SPATS2L: variants seen among roughly 807,000 people sequenced by gnomAD.
SPATS2L encodes the protein spermatogenesis associated serine rich 2 like.
Under a neutral mutation model 59.6 loss-of-function variants are expected in SPATS2L, and 30 were observed. That is an observed-to-expected ratio of 0.50 (90% confidence interval 0.38 to 0.68). The LOEUF (loss-of-function observed/expected upper bound fraction) is 0.68. SPATS2L is among the 30% of genes least tolerant of loss of function. The pLI is 0.00. For missense variants in SPATS2L, 615 were observed against 700.0 expected (o/e 0.88, Z 1.37); for synonymous variants, 252 against 263.5 (o/e 0.96, Z 0.42).
chr2:200,417,461 G>A (rs2083112642), intron 5 of SPATS2L, among the ~76,000 whole-genome samples: 1 of 152,108 alleles, frequency 6.6e-6, no homozygotes, highest in South Asian at 2.1e-4. Flanking sequence ...TGATTGAAAG[G>A]CAGTATTTAG....
rs150464039 is a variant in SPATS2L, at chr2:200,406,183, A to G, written c.40-6128A>G. Among the ~76,000 whole-genome samples the G allele has an allele frequency of 5.9e-5, 9 of 152,302 alleles. 1 individual carries two copies. Among genetic ancestry groups the G allele is most frequent in the Non-Finnish European group, 1.2e-4 (8 of 68,022 alleles). ...GTCACATAAGTAAATAATGGTGGCA[A>G]TGTCAATGCTGGAAGAAGTGTGTGA... On this transcript the variant is annotated intron_variant, in intron 3 of 12. Transcript: ENST00000409140.
At position 200,482,054 on chromosome 2, in the gene SPATS2L, T is replaced by A. The variant is rs2087791271; in HGVS notation, c.*4023T>A. The A allele has an allele frequency of 6.6e-6, 1 of 152,190 alleles. No individual in the cohort carries two copies. Among genetic ancestry groups the A allele is most frequent in the African/African-American group, 2.4e-5 (1 of 41,448 alleles). The allele number at this position is 152,190 out of a possible 1,614,324, so 9.4% of individuals were successfully genotyped here. ...ACCAAAAAAAAAGGAAAAAAAGCAG[T>A]TCGCCTAATACATTGTTCCAGCATT... On this transcript the variant is annotated 3_prime_UTR_variant, in exon 13 of 13. Transcript: ENST00000409140.
chr2:200,353,535 C>G (rs1377235538), intron 2 of SPATS2L, among the ~76,000 whole-genome samples: 1 of 152,148 alleles, frequency 6.6e-6, no homozygotes, highest in Non-Finnish European at 1.5e-5. Context: ...CTGGATATTT[C>G]CACCCTCTTC....
intron 3 of SPATS2L, among the ~76,000 whole-genome samples, chr2:200,396,891 T>G (rs1277436873): frequency 6.6e-6 from 1 of 152,204 alleles, no homozygotes; most frequent in African/African-American, 2.4e-5. Flanking sequence ...AAAGGGTCAT[T>G]AAATTTCCCA....
At chr2:200,317,477 A>T (rs963745171) in intron 1 of SPATS2L, among the ~76,000 whole-genome samples, 4 of 152,054 alleles carry the variant, frequency 2.6e-5, no homozygotes, top group Non-Finnish European at 5.9e-5. Context: ...ATCTCAATTC[A>T]CCCTCCTTAT....
intron 2 of SPATS2L, among the ~76,000 whole-genome samples, chr2:200,378,554 G>T (rs567508235): frequency 6.6e-6 from 1 of 152,050 alleles, no homozygotes; most frequent in Non-Finnish European, 1.5e-5. Context: ...TTTTTGTTCC[G>T]CCAGTGCCAG....
chr2:200,386,327 C>T (rs573491356), intron 2 of SPATS2L, among the ~76,000 whole-genome samples: 1 of 152,092 alleles, frequency 6.6e-6, no homozygotes, highest in Admixed American at 6.5e-5. Flanking sequence ...CAGCATTTTT[C>T]TTCCACAAAA....
At chr2:200,391,058 G>A (rs1465814535) in intron 3 of SPATS2L, among the ~76,000 whole-genome samples, 2 of 152,156 alleles carry the variant, frequency 1.3e-5, no homozygotes, top group East Asian at 3.9e-4. Context: ...TACTCAGGAG[G>A]CTGAGGCAGG....
chr2:200,352,536 C>T (rs1331769529), intron 2 of SPATS2L, among the ~76,000 whole-genome samples: 1 of 151,406 alleles, frequency 6.6e-6, no homozygotes, highest in Non-Finnish European at 1.5e-5. Flanking sequence ...CCTTTTTTAA[C>T]CCTTAGCTCT....
At chr2:200,344,066 A>C (rs1443477983) in intron 2 of SPATS2L, among the ~76,000 whole-genome samples, 1 of 151,854 alleles carries the variant, frequency 6.6e-6, no homozygotes. Flanking sequence ...TTTATTTTTA[A>C]ATAAAATTTA....
intron 6 of SPATS2L, among the ~76,000 whole-genome samples, chr2:200,435,750 CAA>C (rs1344174152): frequency 2.0e-5 from 3 of 152,078 alleles, no homozygotes; most frequent in Non-Finnish European, 2.9e-5. Flanking sequence ...CACTGAAGAT[CAA>C]AACTCTCACA....
chr2:200,373,869 G>A (rs1049221139), intron 2 of SPATS2L, among the ~76,000 whole-genome samples: 3 of 152,134 alleles, frequency 2.0e-5, no homozygotes, highest in Non-Finnish European at 4.4e-5. Context: ...AAGAATAATA[G>A]AGAAAATGCA....
At chr2:200,337,426 G>T (rs2080177972) in intron 2 of SPATS2L, among the ~76,000 whole-genome samples, 1 of 152,132 alleles carries the variant, frequency 6.6e-6, no homozygotes, top group Non-Finnish European at 1.5e-5. Context: ...TGGTAGCTTT[G>T]TTCTCCTAAC....
In SPATS2L at chr2:200,337,439, C is replaced by T. The variant is rs117539391; in HGVS notation, c.-23+7959C>T. Among the ~76,000 whole-genome samples, 8 of 152,246 alleles carry T rather than the reference C, an allele frequency of 5.3e-5. No individual in the cohort carries two copies. The East Asian group carries it at 1.2e-3, about 22-fold the overall frequency. On this transcript the variant is annotated intron_variant, in intron 2 of 12. Coordinates refer to ENST00000409140, the MANE Select transcript of SPATS2L (RefSeq NM_001100423.2). The stretch of plus-strand genomic sequence containing the variant: ...CTTGGTAGCTTTGTTCTCCTAACCC[C>T]GAGATTTCTTGGCTATGAGAACTGA...
chr2:200,412,204 T>C (rs750004248), intron 3 of SPATS2L, 107 bp from the exon 4 acceptor site: 12 of 649,734 alleles, frequency 1.8e-5, no homozygotes, highest in Non-Finnish European at 2.7e-5. Flanking sequence ...TTAGTTGGCT[T>C]TTCAAGGCCT....
intron 11 of SPATS2L, among the ~76,000 whole-genome samples, chr2:200,472,156 G>T (rs2087096435): frequency 6.6e-6 from 1 of 152,228 alleles, no homozygotes; most frequent in South Asian, 2.1e-4. Flanking sequence ...TGTAACCTTG[G>T]AAGTGGTGCA....
At position 200,480,039 on chromosome 2, in the gene SPATS2L, AGTTTTT is replaced by A. The variant is rs2087740957; in HGVS notation, c.*2009_*2014del. On this transcript the variant is annotated 3_prime_UTR_variant, in exon 13 of 13. Transcript: ENST00000409140. ...ATTACAAGACGGAAGGATTTTGCAC[AGTTTTT>A]TATGTAGCAAGATTTTGCTCACCAC... The A allele has an allele frequency of 3.5e-6, 1 of 289,518 alleles. No individual in the cohort carries two copies. The highest frequency in any genetic ancestry group is 6.3e-6 in the Non-Finnish European group (1 of 157,586). 17.9% of individuals were successfully genotyped at this position (289,518 alleles called of 1,614,324 possible).
intron 1 of SPATS2L, among the ~76,000 whole-genome samples, chr2:200,318,788 A>G (rs568155965): frequency 1.3e-5 from 2 of 152,370 alleles, no homozygotes; most frequent in South Asian, 4.1e-4. Flanking sequence ...GAAAATGGAT[A>G]CTGTGGTCTA....
chr2:200,467,095 T>C (rs1042097043), intron 9 of SPATS2L, among the ~76,000 whole-genome samples, 195 bp from the exon 10 acceptor site: 4 of 152,202 alleles, frequency 2.6e-5, no homozygotes, highest in African/African-American at 9.6e-5. Flanking sequence ...TGGGGATTGG[T>C]GGAGGAGGAC....
Sources: allele counts gnomAD v4.1 joint callset (sites outside exome capture counted in the v4.1 genomes callset), GRCh38; gene constraint gnomAD v4.1.1; transcripts MANE v1.5; gene names NCBI Gene and HGNC (gene_info 2026-07-23, HGNC 2026-07-21).